Variants in CDH2 observed in about 807,000 individuals in gnomAD.
CDH2 encodes the protein cadherin 2, also known as cadherin-2.
CDH2 carries 17 observed loss-of-function variants against 92.0 expected under a neutral mutation model. The observed-to-expected ratio is 0.18, with a 90% CI of 0.13 to 0.28. CDH2 has a LOEUF of 0.28. CDH2 is among the 10% of genes least tolerant of loss of function. The pLI is 1.00. For synonymous variants in CDH2, 419 were observed against 415.9 expected, an observed-to-expected ratio of 1.01 and a Z score of -0.09; for missense variants, 862 against 1,133.1, an observed-to-expected ratio of 0.76 and a Z score of 3.44.
At chr18:28,157,376 A>C (rs1459810367) in intron 1 of CDH2, among the ~76,000 whole-genome samples, 2 of 152,244 alleles carry the variant, frequency 1.3e-5, no homozygotes, top group Non-Finnish European at 2.9e-5. Flanking sequence ...ATATGTGCCA[A>C]AAAGCATGCT....
intron 2 of CDH2, chr18:28,036,571 T>C: frequency 6.4e-7 from 1 of 1,554,760 alleles, no homozygotes; most frequent in Non-Finnish European, 8.8e-7. Flanking sequence ...CCATTTCCCA[T>C]AATTCCTTCT....
chr18:28,134,628 A>G (rs993977260), intron 2 of CDH2, among the ~76,000 whole-genome samples: 1 of 152,154 alleles, frequency 6.6e-6, no homozygotes, highest in African/African-American at 2.4e-5. Flanking sequence ...AGAGAACGGA[A>G]TGAGCCCAAG....
intron 2 of CDH2, among the ~76,000 whole-genome samples, chr18:28,136,447 A>G (rs1386091867): frequency 6.6e-6 from 1 of 151,162 alleles, no homozygotes; most frequent in Non-Finnish European, 1.5e-5. Context: ...TTGTCATTAA[A>G]CTCGTTTATC....
At chr18:27,955,554 C>T (rs1462356576) in intron 15 of CDH2, among the ~76,000 whole-genome samples, 1 of 151,862 alleles carries the variant, frequency 6.6e-6, no homozygotes, top group Non-Finnish European at 1.5e-5. Context: ...GTCTGGTCTT[C>T]CCTGGTGTGT....
chr18:28,150,279 C>A (rs1290775867), intron 1 of CDH2, among the ~76,000 whole-genome samples: 6 of 152,110 alleles, frequency 3.9e-5, no homozygotes, highest in Non-Finnish European at 5.9e-5. Flanking sequence ...ACGGAGCAGA[C>A]GGGGGTCACG....
At chr18:28,061,976 C>T (rs768009629) in intron 2 of CDH2, among the ~76,000 whole-genome samples, 19 of 152,136 alleles carry the variant, frequency 1.2e-4, no homozygotes, top group African/African-American at 4.1e-4. Context: ...GGCAGGGACA[C>T]GGCCAAACCG....
At chr18:28,037,897 A>G (rs1184428820) in intron 2 of CDH2, among the ~76,000 whole-genome samples, 4 of 152,154 alleles carry the variant, frequency 2.6e-5, no homozygotes, top group Non-Finnish European at 5.9e-5. Flanking sequence ...CAGGAATCTC[A>G]AAAGAAGAAA....
chr18:28,049,014 G>A (rs2014136829), intron 2 of CDH2, among the ~76,000 whole-genome samples: 1 of 151,994 alleles, frequency 6.6e-6, no homozygotes, highest in African/African-American at 2.4e-5. Context: ...TCCTCTTTAG[G>A]CTCTATTTCA....
intron 14 of CDH2, among the ~76,000 whole-genome samples, chr18:27,982,312 G>A (rs1209812720): frequency 2.6e-5 from 4 of 152,096 alleles, no homozygotes; most frequent in Non-Finnish European, 5.9e-5. Flanking sequence ...AATCCCATAC[G>A]CACATAGTGA....
intron 2 of CDH2, among the ~76,000 whole-genome samples, chr18:28,147,295 T>C (rs2089316301): frequency 6.6e-6 from 1 of 152,080 alleles, no homozygotes; most frequent in Non-Finnish European, 1.5e-5. Flanking sequence ...CTTTCTTTAA[T>C]TCAAAATACT....
intron 15 of CDH2, among the ~76,000 whole-genome samples, chr18:27,960,582 C>T (rs982382426): frequency 1.3e-4 from 20 of 152,138 alleles, no homozygotes; most frequent in Non-Finnish European, 1.0e-4. Flanking sequence ...GCACAAATAT[C>T]GTGCTAGCAA....
intron 5 of CDH2, 109 bp from the exon 6 acceptor site, chr18:28,006,102 A>G (rs2012908967): frequency 3.5e-6 from 3 of 850,372 alleles, no homozygotes; most frequent in Non-Finnish European, 5.4e-6. Context: ...CAGCTGAAAA[A>G]CAAAAGCGGT....
intron 9 of CDH2, among the ~76,000 whole-genome samples, chr18:27,991,239 G>A (rs1333317313): frequency 1.3e-5 from 2 of 152,134 alleles, no homozygotes; most frequent in East Asian, 1.9e-4. Flanking sequence ...GGAAAAACAA[G>A]AGCATTAAGA....
chr18:28,087,377 T>C (rs2014952901), intron 2 of CDH2, among the ~76,000 whole-genome samples: 1 of 152,140 alleles, frequency 6.6e-6, no homozygotes, highest in Non-Finnish European at 1.5e-5. Context: ...ACGGGAGCAG[T>C]AACCAGGTTA....
At chr18:27,999,702 A>ATATG (rs531264910) in intron 7 of CDH2, among the ~76,000 whole-genome samples, 46 of 151,462 alleles carry the variant, frequency 3.0e-4, no homozygotes, top group Non-Finnish European at 5.6e-4. Context: ...GTGTGTATAT[A>ATATG]TATGTATATA....
At chr18:28,096,369 C>T (rs2015135018) in intron 2 of CDH2, among the ~76,000 whole-genome samples, 1 of 150,090 alleles carries the variant, frequency 6.7e-6, no homozygotes, top group Admixed American at 6.6e-5. Context: ...TTAAAGCAAC[C>T]TTGAGATGCC....
rs556514676 is a variant in CDH2 at position 28,019,928 on chromosome 18, TA to T, written c.173-6020del. Among the ~76,000 whole-genome samples, 40 of 152,270 alleles carry T rather than the reference TA, an allele frequency of 2.6e-4. 1 individual carries two copies. In the South Asian group the frequency reaches 5.4e-3, roughly 21 times the overall value. Reference sequence around the variant, plus strand: ...GAAAAAGTTCTCCTTGATGAAATATTAGTCCTGACTTGATCCTGTGGTTTTG... The same window carrying T: ...GAAAAAGTTCTCCTTGATGAAATATTGTCCTGACTTGATCCTGTGGTTTTG... On this transcript the variant is annotated intron_variant, in intron 2 of 15. Transcript: ENST00000269141.
At chr18:28,053,285 G>C (rs919873087) in intron 2 of CDH2, among the ~76,000 whole-genome samples, 2 of 152,016 alleles carry the variant, frequency 1.3e-5, no homozygotes, top group African/African-American at 2.4e-5. Flanking sequence ...TAGATAACCA[G>C]GCAAGTTAGT....
chr18:28,160,290 G>A (rs1418336935), intron 1 of CDH2, among the ~76,000 whole-genome samples: 1 of 152,120 alleles, frequency 6.6e-6, no homozygotes, highest in Non-Finnish European at 1.5e-5. Flanking sequence ...CAATCTGGGT[G>A]AAAGCTGCCG....
Sources: gnomAD v4.1 joint callset for allele counts (sites outside exome capture counted in the v4.1 genomes callset) on GRCh38, gnomAD v4.1.1 for gene constraint, MANE v1.5 for transcripts, NCBI Gene and HGNC (gene_info 2026-07-23, HGNC 2026-07-21) for gene names.